Variants in ACTN2 observed in about 807,000 individuals in gnomAD.
ACTN2 encodes actinin alpha 2.
ACTN2 carries 39 observed loss-of-function variants against 113.8 expected under a neutral mutation model. That is an observed-to-expected ratio of 0.34 (90% CI 0.27 to 0.45). The LOEUF is 0.45. Among genes scored for constraint, ACTN2 ranks in the 20% least tolerant of loss-of-function variants. ACTN2 has a pLI of 1.00. For missense variants in ACTN2, 992 were observed against 1,177.9 expected (o/e 0.84, Z 2.31); for synonymous variants, 429 against 444.1 (o/e 0.97, Z 0.43).
intron 18 of ACTN2, among the ~76,000 whole-genome samples, chr1:236,759,170 A>C (rs114166168): frequency 1.5e-3 from 229 of 152,314 alleles, no homozygotes; most frequent in African/African-American, 5.3e-3. Context: ...GTGCAGCAGC[A>C]TGCTGTGATT....
chr1:236,712,601 G>A (rs1037427442), intron 1 of ACTN2, among the ~76,000 whole-genome samples: 1 of 152,154 alleles, frequency 6.6e-6, no homozygotes, highest in Non-Finnish European at 1.5e-5. Flanking sequence ...CAAAGCTGCA[G>A]TGAGCCATGA....
intron 19 of ACTN2, 140 bp from the exon 20 acceptor site, chr1:236,760,875 C>T: frequency 8.9e-7 from 1 of 1,124,730 alleles, no homozygotes; most frequent in East Asian, 2.5e-5. Flanking sequence ...GAATCTTGTC[C>T]AAAGACTGAA....
Position 236,754,962 on chromosome 1 carries a change from C to T in ACTN2, c.1975-57C>T. Reference sequence around the variant, plus strand: ...CTGGAACGGCGCCTCGTGCCGAGCTCCCTTAGAGGGCACTTCACTCTGCTT... The same window carrying T: ...CTGGAACGGCGCCTCGTGCCGAGCTTCCTTAGAGGGCACTTCACTCTGCTT... On this transcript the variant is annotated intron_variant, in intron 16 of 20. Coordinates refer to ENST00000366578, the MANE Select transcript of ACTN2 (RefSeq NM_001103.4). This position sits in a 1 kb window ranked among gnomAD's most constrained non-coding sequence, Gnocchi z 4.9. 2.5e-6 allele frequency: 4 copies of T among 1,609,514 alleles called. No homozygotes were observed. The highest frequency in any genetic ancestry group is 1.1e-5 in the South Asian group (1 of 90,892).
At position 236,762,710 on chromosome 1, in the gene ACTN2, A is replaced by G; in HGVS notation, c.*91A>G. The G allele has an allele frequency of 6.7e-7, 1 of 1,481,828 alleles. No individual in the cohort carries two copies. The highest frequency in any genetic ancestry group is 9.2e-7 in the Non-Finnish European group (1 of 1,087,090). The allele number at this position is 1,481,828 out of a possible 1,614,324, so 91.8% of individuals were successfully genotyped here. A position where few individuals can be genotyped will look rare whatever the true frequency, so the allele number is the denominator to read the frequency against. On this transcript the variant is annotated 3_prime_UTR_variant, in exon 21 of 21. Transcript: ENST00000366578. ...CTGGAAACTTTGACAAGCTTTATTA[A>G]GTTGAGAGAGAGAGAGGGGAAAAAA...
At chr1:236,703,586 T>G (rs764321261) in intron 1 of ACTN2, among the ~76,000 whole-genome samples, 6 of 151,986 alleles carry the variant, frequency 3.9e-5, no homozygotes, top group Non-Finnish European at 8.8e-5. Context: ...ACTCTTGAAT[T>G]TAACAGTTAA....
rs774780856 is a variant in ACTN2 at position 236,751,588 on chromosome 1, G to T, written c.1775G>T (p.Arg592Ile). 16 of 1,614,040 alleles carry T rather than the reference G, an allele frequency of 9.9e-6. No individual in the cohort carries two copies. Among genetic ancestry groups the T allele is most frequent in the African/African-American group, 1.3e-5 (1 of 75,026 alleles). The change falls in exon 15 of 21, where the codon AGA (arginine) becomes ATA (isoleucine). Residue 592 changes from arginine to isoleucine, a missense_variant. By Grantham distance (97) the Arg-to-Ile change is moderately conservative (BLOSUM62 -3). This residue lies in a region of ACTN2 where 736 missense variants were observed against 815.4 expected (regional missense o/e 0.90). Transcript: ENST00000366578. ...AAGGTGATTCAGAGCTACAACATCA[G>T]AATCAGCTCAAGCAACCCGTACAGC... The part of the protein sequence containing the change: ...VEKVIQSYNI[R>I]ISSSNPYSTV...
intron 4 of ACTN2, 31 bp from the exon 5 acceptor site, chr1:236,725,902 T>C (rs1015954981): frequency 6.2e-7 from 1 of 1,607,078 alleles, no homozygotes; most frequent in Non-Finnish European, 8.5e-7. Context: ...GGCATTTCCC[T>C]GGGGCCACTT....
At chr1:236,725,782 C>G (rs553590147) in intron 4 of ACTN2, 151 bp from the exon 5 acceptor site, 167 of 752,966 alleles carry the variant, frequency 2.2e-4, no homozygotes, top group South Asian at 2.0e-3. Context: ...TCACCAAGAT[C>G]AGGGTTCTGG....
chr1:236,738,278 G>A (rs1658951959), intron 9 of ACTN2, among the ~76,000 whole-genome samples: 1 of 152,226 alleles, frequency 6.6e-6, no homozygotes, highest in Admixed American at 6.5e-5. Context: ...CAAAGTGCCG[G>A]GATTATTGGC....
At chr1:236,741,497 G>C (rs554316731) in intron 10 of ACTN2, among the ~76,000 whole-genome samples, 1 of 152,058 alleles carries the variant, frequency 6.6e-6, no homozygotes, top group Non-Finnish European at 1.5e-5. Context: ...CGGTTTCCTC[G>C]ATCCTAGTAA....
At chr1:236,700,770 C>T (rs1431360541) in intron 1 of ACTN2, among the ~76,000 whole-genome samples, 1 of 152,146 alleles carries the variant, frequency 6.6e-6, no homozygotes, top group Non-Finnish European at 1.5e-5. Flanking sequence ...AAAGGTTCTT[C>T]GGGAAAGGTT....
Position 236,692,299 on chromosome 1 carries a change from GCTC to G in ACTN2, c.126+5503_126+5505del. On this transcript the variant is annotated intron_variant, in intron 1 of 20. Coordinates refer to ENST00000366578, the MANE Select transcript of ACTN2 (RefSeq NM_001103.4). ...AGTAGATATGATCCTCCCCATTAGA[GCTC>G]CTGGGCTTTAATGTCAAGACAGTGG... Among the ~76,000 whole-genome samples, 6 of 152,350 alleles carry G rather than the reference GCTC, an allele frequency of 3.9e-5. 1 individual carries two copies. In the East Asian group the frequency reaches 1.2e-3, roughly 29 times the overall value.
At position 236,686,599 on chromosome 1, in the gene ACTN2, C is replaced by T. The variant is rs1405712240; in HGVS notation, c.-75C>T. 5.4e-6 allele frequency: 8 copies of T among 1,472,770 alleles called. No individual in the cohort carries two copies. Among genetic ancestry groups the T allele is most frequent in the Admixed American group, 4.6e-5 (2 of 43,758 alleles). The allele number at this position is 1,472,770 out of a possible 1,614,324, so 91.2% of individuals were successfully genotyped here. A position where few individuals can be genotyped will look rare whatever the true frequency, so the allele number is the denominator to read the frequency against. ...CCCGCCGCCCGCCGCCCGCCGCCTC[C>T]GTGGGTCCGTTTGCCAGTCAGCCCG... On this transcript the variant is annotated 5_prime_UTR_variant, in exon 1 of 21. Transcript: ENST00000366578.
intron 1 of ACTN2, among the ~76,000 whole-genome samples, chr1:236,690,452 G>C (rs1285794853): frequency 6.6e-6 from 1 of 152,118 alleles, no homozygotes; most frequent in Non-Finnish European, 1.5e-5. Flanking sequence ...ATGAGTCGAA[G>C]CTCTGCCTGG....
At chr1:236,715,160 T>G (rs571526660) in intron 1 of ACTN2, among the ~76,000 whole-genome samples, 8 of 152,132 alleles carry the variant, frequency 5.3e-5, no homozygotes, top group Non-Finnish European at 1.2e-4. Flanking sequence ...TTTTCCTTTT[T>G]TTTTTTTTTA....
intron 13 of ACTN2, among the ~76,000 whole-genome samples, chr1:236,748,769 GCA>G (rs1659308436): frequency 6.6e-6 from 1 of 152,160 alleles, no homozygotes; most frequent in Admixed American, 6.5e-5. Flanking sequence ...TGTTAATCTG[GCA>G]CAGTTAGGGA....
intron 7 of ACTN2, among the ~76,000 whole-genome samples, chr1:236,732,999 C>A (rs819642): frequency 6.6e-6 from 1 of 151,968 alleles, no homozygotes; most frequent in Non-Finnish European, 1.5e-5. Context: ...GTATTATTGG[C>A]TATTAATACT....
At chr1:236,745,162 C>T (rs1183590680) in intron 12 of ACTN2, among the ~76,000 whole-genome samples, 3 of 152,126 alleles carry the variant, frequency 2.0e-5, no homozygotes, top group East Asian at 1.9e-4. Context: ...TGGCCGGGCG[C>T]GGTGGCTCAC....
chr1:236,746,589 C>A (rs554515428), intron 12 of ACTN2, among the ~76,000 whole-genome samples: 2 of 151,872 alleles, frequency 1.3e-5, no homozygotes, highest in Non-Finnish European at 2.9e-5. Flanking sequence ...GCCTGTAGTC[C>A]CAGCTACTTG....
Sources: allele counts gnomAD v4.1 joint callset (sites outside exome capture counted in the v4.1 genomes callset), GRCh38; gene constraint gnomAD v4.1.1; regional missense constraint gnomAD v4.1.1; non-coding constraint Gnocchi (gnomAD v3.1); transcripts MANE v1.5; gene names NCBI Gene and HGNC (gene_info 2026-07-23, HGNC 2026-07-21).